GALNT13: variants seen among roughly 807,000 people sequenced by gnomAD.
GALNT13 encodes the protein UDP-GalNAc:polypeptide N-acetylgalactosaminyltransferase 13.
A neutral mutation model predicts 64.2 loss-of-function variants in GALNT13; 28 were observed. The ratio of observed to expected loss-of-function variants is 0.44; its 90% CI spans 0.32 to 0.60. The LOEUF is 0.60. Among genes scored for constraint, GALNT13 ranks in the 20% least tolerant of loss-of-function variants. The probability of loss-of-function intolerance (pLI) is 0.05; values close to 1 mark genes in which losing one functional copy is unlikely to be tolerated. For missense variants in GALNT13, 577 were observed against 669.8 expected (o/e 0.86, Z 1.53); for synonymous variants, 214 against 224.6 (o/e 0.95, Z 0.42).
chr2:153,740,670 G>A, the GALNT13 span, among the ~76,000 whole-genome samples: 1 of 152,014 alleles, frequency 6.6e-6, no homozygotes, highest in Non-Finnish European at 1.5e-5. Flanking sequence ...CTTATGTCTG[G>A]TAATGTTCCT....
chr2:153,395,373 T>C, the GALNT13 span, among the ~76,000 whole-genome samples: 1 of 152,084 alleles, frequency 6.6e-6, no homozygotes, highest in East Asian at 1.9e-4. Context: ...GAAGTTGAGG[T>C]AACAGATCAC....
At chr2:153,345,699 CT>C in the GALNT13 span, among the ~76,000 whole-genome samples, 43 of 106,248 alleles carry the variant, frequency 4.0e-4, no homozygotes, top group Non-Finnish European at 7.6e-4. Flanking sequence ...TTCTTTCTTT[CT>C]TTCTCTTTCT....
the GALNT13 span, among the ~76,000 whole-genome samples, chr2:153,074,567 G>A: frequency 9.4e-3 from 1,429 of 152,218 alleles, 5 homozygotes; most frequent in Non-Finnish European, 0.014. Flanking sequence ...GAATACAATA[G>A]GCAATTGCAC....
rs185419955 is a variant in GALNT13 at position 153,987,587 on chromosome 2, C to T, written c.142+42948C>T. ...ATTGTAATGAATTTGGGCATATTAA[C>T]TTATGAAAGAGCAAGAAGCTAGGGA... On this transcript the variant is annotated intron_variant, in intron 3 of 12. Transcript: ENST00000392825. 4.6e-5 allele frequency among the ~76,000 whole-genome samples: 7 copies of T among 151,858 alleles called. No homozygotes were observed. The East Asian group carries it at 1.4e-3, about 29-fold the overall frequency.
chr2:154,062,577 G>A (rs1700243989), intron 3 of GALNT13, among the ~76,000 whole-genome samples: 2 of 152,136 alleles, frequency 1.3e-5, no homozygotes, highest in African/African-American at 4.8e-5. Context: ...AGGAAACAGA[G>A]AGAGAAGGAA....
At chr2:154,374,582 T>G (rs949173879) in intron 9 of GALNT13, among the ~76,000 whole-genome samples, 1 of 152,182 alleles carries the variant, frequency 6.6e-6, no homozygotes, top group Non-Finnish European at 1.5e-5. Context: ...GTGGCAAGTA[T>G]GTAAAGTTTA....
chr2:153,890,982 A>G (rs1421282411), intron 1 of GALNT13, among the ~76,000 whole-genome samples: 1 of 152,036 alleles, frequency 6.6e-6, no homozygotes, highest in African/African-American at 2.4e-5. Context: ...TGAAGCATTC[A>G]TTGTTGGTAC....
At chr2:154,289,763 G>A (rs577689149) in intron 8 of GALNT13, among the ~76,000 whole-genome samples, 1 of 152,306 alleles carries the variant, frequency 6.6e-6, no homozygotes, top group Non-Finnish European at 1.5e-5. Flanking sequence ...CCAGTCTCTT[G>A]GGATTCAGCT....
At chr2:154,258,485 C>G (rs1269924129) in intron 7 of GALNT13, among the ~76,000 whole-genome samples, 1 of 73,516 alleles carries the variant, frequency 1.4e-5, no homozygotes, top group Non-Finnish European at 3.0e-5. Context: ...GATGTAAAGC[C>G]CTTATGTTAA....
At chr2:153,913,814 A>G (rs1007236442) in intron 2 of GALNT13, among the ~76,000 whole-genome samples, 1 of 151,934 alleles carries the variant, frequency 6.6e-6, no homozygotes, top group African/African-American at 2.4e-5. Flanking sequence ...TCTGTTCTCA[A>G]TGCCTTGCCT....
chr2:153,241,954 G>A, the GALNT13 span, among the ~76,000 whole-genome samples: 1 of 152,052 alleles, frequency 6.6e-6, no homozygotes, highest in Non-Finnish European at 1.5e-5. Flanking sequence ...AATACCAGAT[G>A]AAATTTCTCC....
chr2:153,409,370 A>ATG, the GALNT13 span, among the ~76,000 whole-genome samples: 4 of 148,990 alleles, frequency 2.7e-5, no homozygotes, highest in African/African-American at 7.4e-5. Context: ...ATATATTCAT[A>ATG]TGTGTGTATA....
chr2:154,222,541 C>G (rs771822574), intron 4 of GALNT13, among the ~76,000 whole-genome samples: 3 of 152,026 alleles, frequency 2.0e-5, no homozygotes, highest in Non-Finnish European at 4.4e-5. Flanking sequence ...TGTTTTTAAT[C>G]TGTTATTTGT....
the GALNT13 span, among the ~76,000 whole-genome samples, chr2:153,515,670 G>A: frequency 2.6e-5 from 4 of 152,288 alleles, no homozygotes; most frequent in Non-Finnish European, 5.9e-5. Context: ...GATCCTATGG[G>A]ACCACTTAGT....
chr2:153,866,851 C>G, the GALNT13 span, among the ~76,000 whole-genome samples: 1 of 152,076 alleles, frequency 6.6e-6, no homozygotes, highest in Non-Finnish European at 1.5e-5. Context: ...GAAAATTTGT[C>G]TGCACAAGTA....
the GALNT13 span, among the ~76,000 whole-genome samples, chr2:153,803,691 C>CAAAAA: frequency 1.9e-5 from 2 of 105,088 alleles, no homozygotes; most frequent in African/African-American, 3.7e-5. Context: ...GACTCTGTCT[C>CAAAAA]AAAAAAAAAA....
chr2:153,103,342 C>T, the GALNT13 span, among the ~76,000 whole-genome samples: 1 of 152,140 alleles, frequency 6.6e-6, no homozygotes, highest in Non-Finnish European at 1.5e-5. Context: ...TTGCATAGAA[C>T]ACTCTTCAAA....
At chr2:153,395,388 C>T in the GALNT13 span, among the ~76,000 whole-genome samples, 2 of 152,060 alleles carry the variant, frequency 1.3e-5, no homozygotes, top group Admixed American at 6.6e-5. Context: ...GATCACATGA[C>T]GTTTCTAATC....
the GALNT13 span, among the ~76,000 whole-genome samples, chr2:153,100,767 G>A: frequency 9.9e-3 from 1,504 of 152,228 alleles, 13 homozygotes; most frequent in Non-Finnish European, 0.016. Flanking sequence ...TATGGCTCAC[G>A]CCTGTAATCC....
Sources: allele counts gnomAD v4.1 joint callset (sites outside exome capture counted in the v4.1 genomes callset), GRCh38; gene constraint gnomAD v4.1.1; transcripts MANE v1.5; gene names NCBI Gene and HGNC (gene_info 2026-07-23, HGNC 2026-07-21).